STX18: variants seen among roughly 807,000 people sequenced by gnomAD.
STX18 encodes the protein syntaxin-18.
In STX18, 40 loss-of-function variants were observed where a neutral mutation model predicts 50.1. The observed-to-expected ratio is 0.80, with a 90% CI of 0.62 to 1.04. STX18 has a LOEUF of 1.04. STX18 is among the 50% of genes least tolerant of loss of function. STX18 has a pLI of 0.00. For missense variants in STX18, 410 were observed against 415.8 expected, an observed-to-expected ratio of 0.99 and a Z score of 0.12; for synonymous variants, 158 against 151.8, an observed-to-expected ratio of 1.04 and a Z score of -0.30.
chr4:4,507,533 A>C (rs959149673), intron 1 of STX18: 2 of 770,552 alleles, frequency 2.6e-6, no homozygotes, highest in East Asian at 4.9e-5. Context: ...AGCCGCACAA[A>C]AAATAAGCAA....
rs561140768 is a variant in STX18, at chr4:4,419,356, A to T, written c.*678T>A. 6.6e-6 allele frequency: 1 copy of T among 152,224 alleles called. No homozygotes were observed. The highest frequency in any genetic ancestry group is 6.5e-5 in the Admixed American group (1 of 15,294). 9.4% of individuals were successfully genotyped at this position (152,224 alleles called of 1,614,324 possible). ...TGGGGGCAGCAGTCTTTGGAGGAGT[A>T]ATGCCAGGCAGCCCCTCACTGAGGG... On this transcript the variant is annotated 3_prime_UTR_variant, in exon 11 of 11. Coordinates refer to ENST00000306200, the MANE Select transcript of STX18 (RefSeq NM_016930.4).
rs534203838 is a variant in STX18 at position 4,439,008 on chromosome 4, C to A, written c.498-499G>T. On this transcript the variant is annotated intron_variant, in intron 5 of 10. Transcript: ENST00000306200. The stretch of plus-strand genomic sequence containing the variant: ...CACATATACACACACCACACACACA[C>A]ATATATACCACATATATATACCCAT... 2.0e-5 allele frequency among the ~76,000 whole-genome samples: 3 copies of A among 148,798 alleles called. No homozygotes were observed. The East Asian group carries it at 6.0e-4, about 30-fold the overall frequency.
chr4:4,485,454 C>T (rs1728657587), intron 1 of STX18, among the ~76,000 whole-genome samples: 1 of 152,198 alleles, frequency 6.6e-6, no homozygotes, highest in African/African-American at 2.4e-5. Flanking sequence ...TGGGTTCAAA[C>T]CAGCCAGTGC....
intron 1 of STX18, among the ~76,000 whole-genome samples, chr4:4,484,133 A>G (rs1330630943): frequency 6.6e-6 from 1 of 152,126 alleles, no homozygotes; most frequent in African/African-American, 2.4e-5. Context: ...AAGTGCTGGG[A>G]TTACAGGTGT....
intron 1 of STX18, among the ~76,000 whole-genome samples, chr4:4,490,139 A>G (rs1228071811): frequency 2.6e-5 from 4 of 152,228 alleles, no homozygotes; most frequent in Non-Finnish European, 5.9e-5. Flanking sequence ...AAATACATAT[A>G]CACTTTTAAG....
chr4:4,435,008 T>G lies in STX18; in HGVS notation c.614-150A>C, dbSNP rs548310013. 4.1e-4 allele frequency: 250 copies of G among 607,114 alleles called. 1 individual carries two copies. The highest frequency in any genetic ancestry group is 1.3e-3 in the Middle Eastern group (3 of 2,332). 37.6% of individuals were successfully genotyped at this position (607,114 alleles called of 1,614,324 possible). ...GATCTTTGGGCTAATATTCAGGCACTGCAGACATGATTCTTTCACAACATT... is the reference window on the plus strand; with the variant it reads ...GATCTTTGGGCTAATATTCAGGCACGGCAGACATGATTCTTTCACAACATT... On this transcript the variant is annotated intron_variant, in intron 6 of 10. Coordinates refer to ENST00000306200, the MANE Select transcript of STX18 (RefSeq NM_016930.4).
intron 1 of STX18, among the ~76,000 whole-genome samples, chr4:4,510,834 T>C (rs1398355031): frequency 6.6e-6 from 1 of 152,140 alleles, no homozygotes; most frequent in Non-Finnish European, 1.5e-5. Flanking sequence ...TAAAAAAGAA[T>C]GAGATCACGT....
intron 1 of STX18, among the ~76,000 whole-genome samples, chr4:4,494,228 T>C (rs1729068879): frequency 6.6e-6 from 1 of 152,178 alleles, no homozygotes; most frequent in African/African-American, 2.4e-5. Flanking sequence ...ACACTACATA[T>C]TGTACAGTAC....
chr4:4,537,332 C>T (rs1054227933), intron 1 of STX18, among the ~76,000 whole-genome samples: 1 of 152,180 alleles, frequency 6.6e-6, no homozygotes, highest in Non-Finnish European at 1.5e-5. Context: ...GTTTTTGTTG[C>T]TTTTGCTTGC....
intron 1 of STX18, among the ~76,000 whole-genome samples, chr4:4,506,116 G>A (rs974498835): frequency 2.6e-5 from 4 of 152,064 alleles, no homozygotes; most frequent in East Asian, 1.9e-4. Flanking sequence ...GAATGATGCC[G>A]CTATGAACAT....
intron 1 of STX18, among the ~76,000 whole-genome samples, chr4:4,512,288 G>A (rs957950591): frequency 2.0e-5 from 3 of 151,984 alleles, no homozygotes; most frequent in African/African-American, 7.3e-5. Flanking sequence ...TTTGTTTGCT[G>A]AAATCCAGGC....
At chr4:4,503,237 G>A (rs987611932) in intron 1 of STX18, among the ~76,000 whole-genome samples, 6 of 152,240 alleles carry the variant, frequency 3.9e-5, no homozygotes, top group Non-Finnish European at 8.8e-5. Flanking sequence ...AGCTCTTAAC[G>A]TCACTAAGAA....
chr4:4,483,149 T>C (rs1031221102), intron 1 of STX18, among the ~76,000 whole-genome samples: 1 of 152,192 alleles, frequency 6.6e-6, no homozygotes, highest in African/African-American at 2.4e-5. Context: ...TAGGTGGATT[T>C]AGCAGTCTAA....
At chr4:4,490,258 T>C (rs1287461170) in intron 1 of STX18, among the ~76,000 whole-genome samples, 3 of 152,178 alleles carry the variant, frequency 2.0e-5, no homozygotes, top group Non-Finnish European at 4.4e-5. Context: ...AATATTAGCA[T>C]GACCACTATT....
chr4:4,487,784 A>C (rs1728762967), intron 1 of STX18, among the ~76,000 whole-genome samples: 1 of 152,228 alleles, frequency 6.6e-6, no homozygotes, highest in South Asian at 2.1e-4. Context: ...CCCACATCCC[A>C]GGAATACGCT....
chr4:4,482,466 C>A (rs1455099114), intron 1 of STX18, among the ~76,000 whole-genome samples: 1 of 152,206 alleles, frequency 6.6e-6, no homozygotes, highest in Non-Finnish European at 1.5e-5. Context: ...TTCATCCTTT[C>A]TAGATTCCAA....
chr4:4,431,163 T>A (rs2108779598), intron 7 of STX18, among the ~76,000 whole-genome samples: 1 of 151,428 alleles, frequency 6.6e-6, no homozygotes, highest in South Asian at 2.1e-4. Flanking sequence ...TTATGAAGAG[T>A]GGTGGAGTGC....
intron 5 of STX18, among the ~76,000 whole-genome samples, chr4:4,456,463 C>G (rs1727078281): frequency 6.6e-6 from 1 of 152,232 alleles, no homozygotes; most frequent in Admixed American, 6.5e-5. Flanking sequence ...CTCTTGCATT[C>G]CAGATGCTCA....
At chr4:4,529,217 C>A (rs932952755) in intron 1 of STX18, among the ~76,000 whole-genome samples, 6 of 152,190 alleles carry the variant, frequency 3.9e-5, no homozygotes, top group Admixed American at 3.9e-4. Context: ...CACAAATTAG[C>A]CGGGAATGGT....
Sources: allele counts gnomAD v4.1 joint callset (sites outside exome capture counted in the v4.1 genomes callset), GRCh38; gene constraint gnomAD v4.1.1; transcripts MANE v1.5; gene names NCBI Gene and HGNC (gene_info 2026-07-23, HGNC 2026-07-21).